The following COL4A6 variants were observed in gnomAD, a reference collection of about 807,000 sequenced individuals.
The protein encoded by COL4A6 is collagen alpha-6(IV) chain.
Under a neutral mutation model 126.7 loss-of-function variants are expected in COL4A6, and 59 were observed. The ratio of observed to expected loss-of-function variants is 0.47; its 90% CI spans 0.38 to 0.58. The LOEUF (loss-of-function observed/expected upper bound fraction) is 0.58. Ranked by LOEUF, COL4A6 falls within the 20% of genes least tolerant of loss-of-function variation. The pLI, the probability that COL4A6 is intolerant of heterozygous loss-of-function variation, is 0.00. For synonymous variants in COL4A6, 547 were observed against 496.6 expected (o/e 1.10, Z -1.35); for missense variants, 1,285 against 1,337.3 (o/e 0.96, Z 0.61).
rs143574845 is a variant in COL4A6, at chrX:108,187,106, G to C, written c.1941C>G (p.Pro647=). ...KDGLPGQQGL[P]GSKGITLPCI... is the part of the protein sequence containing the mutation. ...GATTCTATGACTCACCCTTAGATCC[G>C]GGAAGGCCTTGTTGTCCCGGTAATC... Residue 647 remains proline, a synonymous_variant, in exon 23 of 45, where the codon CCC becomes CCG. Transcript: ENST00000334504. The C allele has an allele frequency of 9.1e-5, 105 of 1,153,011 alleles. No individual in the cohort carries two copies. The highest frequency in any genetic ancestry group is 1.2e-4 in the Non-Finnish European group (102 of 861,516).
At chrX:108,169,415 C>T in intron 37 of COL4A6, 80 bp downstream of exon 37, 1 of 1,156,092 alleles carries the variant, frequency 8.6e-7, no homozygotes, top group Non-Finnish European at 1.2e-6. Flanking sequence ...CCCTGTGAGC[C>T]ACATGGCCCT....
At chrX:108,196,725 G>A in intron 13 of COL4A6, 146 bp from the exon 14 acceptor site, 1 of 465,325 alleles carries the variant, frequency 2.1e-6, no homozygotes, top group Admixed American at 3.8e-5. Context: ...TGCCTGAGAA[G>A]CACATAGGGT....
intron 2 of COL4A6, among the ~76,000 whole-genome samples, chrX:108,411,579 TC>T (rs1004473155): frequency 1.8e-5 from 2 of 111,464 alleles, no homozygotes; most frequent in Admixed American, 1.9e-4. Flanking sequence ...GGCCAGAAGT[TC>T]CCCCCTAGTT....
chrX:108,353,121 C>T (rs1240899320), intron 2 of COL4A6, among the ~76,000 whole-genome samples: 1 of 111,448 alleles, frequency 9.0e-6, no homozygotes, highest in South Asian at 3.8e-4. Context: ...GTTCACTGTC[C>T]TCAGTGTTTC....
At chrX:108,165,090 A>G (rs1236418296) in intron 38 of COL4A6, 52 bp from the exon 39 acceptor site, 7 of 1,098,551 alleles carry the variant, frequency 6.4e-6, no homozygotes, top group East Asian at 3.0e-5. Context: ...GGTAGTAGCC[A>G]CTGCAGAAGG....
At chrX:108,167,490 T>C (rs745972325) in intron 37 of COL4A6, among the ~76,000 whole-genome samples, 1 of 110,745 alleles carries the variant, frequency 9.0e-6, no homozygotes, top group South Asian at 3.9e-4. Context: ...CGCACACCAC[T>C]ATGCCCTGCT....
chrX:108,324,957 A>G (rs2039117941), intron 2 of COL4A6, among the ~76,000 whole-genome samples: 1 of 112,521 alleles, frequency 8.9e-6, no homozygotes, highest in Non-Finnish European at 1.9e-5. Flanking sequence ...TGGCTGCAAT[A>G]TTAAGCTGTA....
intron 2 of COL4A6, among the ~76,000 whole-genome samples, chrX:108,381,749 A>C (rs971824095): frequency 8.9e-6 from 1 of 112,023 alleles, no homozygotes; most frequent in East Asian, 2.8e-4. Context: ...ATTGGTAATG[A>C]AAGTTTCATT....
rs202006605 is a variant in COL4A6, at chrX:108,188,625, G to A, written c.1479C>T (p.Pro493=). The A allele has an allele frequency of 1.5e-5, 18 of 1,192,212 alleles. No homozygotes were observed. Among genetic ancestry groups the A allele is most frequent in the Middle Eastern group, 2.3e-4 (1 of 4,284 alleles). Residue 493 remains proline (P), a synonymous_variant, in exon 21 of 45, where the codon CCC becomes CCT. Coordinates refer to ENST00000334504, the MANE Select transcript of COL4A6 (RefSeq NM_033641.4). ...CDGGVPNTGP[P]GEPGPPGPWG... ...ATGGACCAGGTGGGCCTGGTTCCCC[G>A]GGTGGTCCAGTGTTGGGAACACCAC...
intron 11 of COL4A6, 149 bp from the exon 12 acceptor site, chrX:108,204,561 C>T (rs1168428141): frequency 5.3e-6 from 3 of 562,898 alleles, no homozygotes; most frequent in Non-Finnish European, 9.5e-6. Flanking sequence ...ACAAAACTCT[C>T]ACTGCCAAAG....
intron 3 of COL4A6, among the ~76,000 whole-genome samples, chrX:108,240,200 G>A (rs1299519250): frequency 1.8e-5 from 2 of 111,285 alleles, no homozygotes; most frequent in Non-Finnish European, 3.8e-5. Context: ...CCAAGATTGC[G>A]CCAATGAACT....
At chrX:108,273,380 G>T (rs967704746) in intron 3 of COL4A6, among the ~76,000 whole-genome samples, 3 of 110,337 alleles carry the variant, frequency 2.7e-5, no homozygotes, top group African/African-American at 9.9e-5. Context: ...TACACTGTTG[G>T]TGGGACTGTA....
chrX:108,356,938 A>C (rs1018968794), intron 2 of COL4A6, among the ~76,000 whole-genome samples: 1 of 111,569 alleles, frequency 9.0e-6, no homozygotes, highest in Non-Finnish European at 1.9e-5. Context: ...GCAGACATTA[A>C]TTCATCATCC....
chrX:108,250,721 A>G (rs1405241189), intron 3 of COL4A6, among the ~76,000 whole-genome samples: 3 of 111,586 alleles, frequency 2.7e-5, no homozygotes, highest in Non-Finnish European at 5.7e-5. Flanking sequence ...GACCGTGCAG[A>G]TAAATGAATT....
At chrX:108,197,638 C>T (rs1046124699) in intron 13 of COL4A6, among the ~76,000 whole-genome samples, 1 of 111,423 alleles carries the variant, frequency 9.0e-6, no homozygotes, top group Non-Finnish European at 1.9e-5. Context: ...TCAGTGCACT[C>T]CCATGAGTAC....
chrX:108,163,752 G>T (rs1287114009), intron 40 of COL4A6, among the ~76,000 whole-genome samples: 1 of 112,451 alleles, frequency 8.9e-6, no homozygotes, highest in Non-Finnish European at 1.9e-5. Context: ...ATCTGTTTTA[G>T]AGAATGATCA....
chrX:108,157,288 A>T (rs2033773401), intron 44 of COL4A6, 28 bp from the exon 45 acceptor site: 2 of 1,194,504 alleles, frequency 1.7e-6, no homozygotes, highest in Middle Eastern at 2.4e-4. Flanking sequence ...TTAGTGCATG[A>T]GCTGTGCCTG....
At chrX:108,367,494 A>T (rs143730292) in intron 2 of COL4A6, among the ~76,000 whole-genome samples, 70 of 111,738 alleles carry the variant, frequency 6.3e-4, no homozygotes, top group African/African-American at 2.1e-3. Flanking sequence ...CTATGTGACA[A>T]ATTGTAATTA....
chrX:108,192,266 G>C lies in COL4A6; in HGVS notation c.1180+207C>G, dbSNP rs769497478. ...TGTCCAGCTATGATACATTATTTAAGCCAAAAACAAAAGCTGCTCACCCAG... is the reference window on the plus strand; with the variant it reads ...TGTCCAGCTATGATACATTATTTAACCCAAAAACAAAAGCTGCTCACCCAG... On this transcript the variant is annotated intron_variant, in intron 18 of 44. Transcript: ENST00000334504. Among the ~76,000 whole-genome samples, 4 of 111,950 alleles carry C rather than the reference G, an allele frequency of 3.6e-5. No individual in the cohort carries two copies. In the South Asian group the frequency reaches 1.5e-3, roughly 42 times the overall value.
Sources: allele counts gnomAD v4.1 joint callset (sites outside exome capture counted in the v4.1 genomes callset), GRCh38; gene constraint gnomAD v4.1.1; transcripts MANE v1.5; gene names NCBI Gene and HGNC (gene_info 2026-07-23, HGNC 2026-07-21).